The following PPP2R2C variants were observed in gnomAD, a reference collection of about 807,000 sequenced individuals.
The protein encoded by PPP2R2C is protein phosphatase 2, regulatory subunit B, gamma.
In PPP2R2C, 10 loss-of-function variants were observed where a neutral mutation model predicts 45.3. That is an observed-to-expected ratio of 0.22 (90% CI 0.14 to 0.37). PPP2R2C has a LOEUF of 0.37. Among genes scored for constraint, PPP2R2C ranks in the 10% least tolerant of loss-of-function variants. PPP2R2C has a pLI of 1.00. For synonymous variants in PPP2R2C, 257 were observed against 245.4 expected (o/e 1.05, Z -0.44); for missense variants, 308 against 619.7 (o/e 0.50, Z 5.34).
At chr4:6,431,091 G>A (rs1211174551) in intron 1 of PPP2R2C, among the ~76,000 whole-genome samples, 1 of 152,218 alleles carries the variant, frequency 6.6e-6, no homozygotes, top group Non-Finnish European at 1.5e-5. Flanking sequence ...TGACAGAGAT[G>A]GTTCTGCCTG....
chr4:6,355,848 G>T (rs1483394512), intron 5 of PPP2R2C, among the ~76,000 whole-genome samples: 1 of 151,576 alleles, frequency 6.6e-6, no homozygotes, highest in African/African-American at 2.4e-5. Context: ...AAAAAAATTA[G>T]CTGGGCGTGG....
chr4:6,350,583 T>C (rs909434668), intron 5 of PPP2R2C: 1 of 985,210 alleles, frequency 1.0e-6, no homozygotes, highest in Non-Finnish European at 1.2e-6. Flanking sequence ...TTATAACTCA[T>C]GGGGCGCAGT....
upstream of PPP2R2C, among the ~76,000 whole-genome samples, chr4:6,474,185 C>T (rs1722054096): frequency 6.6e-6 from 1 of 151,504 alleles, no homozygotes; most frequent in Admixed American, 6.6e-5. Context: ...TCTCACCTGT[C>T]TGCTCACATG....
intron 1 of PPP2R2C, chr4:6,383,258 C>T (rs60292172): frequency 0.096 from 117,197 of 1,222,122 alleles, 6,028 homozygotes; most frequent in African/African-American, 0.15. Context: ...CCGGCCAAGC[C>T]CAGCCTCCAG....
At chr4:6,398,446 T>C (rs916488904) in intron 1 of PPP2R2C, among the ~76,000 whole-genome samples, 1 of 152,080 alleles carries the variant, frequency 6.6e-6, no homozygotes, top group African/African-American at 2.4e-5. Context: ...GCAAAAGATT[T>C]GGGCAGACAC....
intron 2 of PPP2R2C, among the ~76,000 whole-genome samples, chr4:6,504,483 C>A (rs1723157446): frequency 6.6e-6 from 1 of 151,938 alleles, no homozygotes; most frequent in Middle Eastern, 3.4e-3. Context: ...GAGATGGACC[C>A]CAAATGCTGG....
intron 1 of PPP2R2C, among the ~76,000 whole-genome samples, chr4:6,450,175 G>A (rs1323513985): frequency 6.6e-6 from 1 of 152,076 alleles, no homozygotes; most frequent in Non-Finnish European, 1.5e-5. Flanking sequence ...TGCAGCCCTC[G>A]GCAAGAAGCC....
At chr4:6,536,084 C>T (rs986334699) in intron 1 of PPP2R2C, among the ~76,000 whole-genome samples, 4 of 152,158 alleles carry the variant, frequency 2.6e-5, no homozygotes, top group Admixed American at 1.3e-4. Flanking sequence ...CTTTTCCCCA[C>T]CTCACTCTGT....
intron 4 of PPP2R2C, 151 bp downstream of exon 4, chr4:6,375,668 G>C (rs1057375601): frequency 1.6e-6 from 1 of 639,864 alleles, no homozygotes; most frequent in Admixed American, 3.0e-5. Context: ...CTGAGGCAAG[G>C]GGCAGGAAGA....
chr4:6,470,103 C>G (rs1721788585), intron 1 of PPP2R2C, among the ~76,000 whole-genome samples: 1 of 152,180 alleles, frequency 6.6e-6, no homozygotes, highest in Admixed American at 6.5e-5. Flanking sequence ...CTGCTCCTCA[C>G]AGAAACCTCC....
In PPP2R2C at chr4:6,401,395, G is replaced by A. The variant is rs1175361557; in HGVS notation, c.71-20301C>T. Among the ~76,000 whole-genome samples, 10 of 152,064 alleles carry A rather than the reference G, an allele frequency of 6.6e-5. No homozygotes were observed. The East Asian group carries it at 1.7e-3, about 26-fold the overall frequency. Reference sequence around the variant, plus strand: ...TTCTACATTTATTTTCAATATGACTGTACATGCTTGCACAATAAGTTGTTA... The same window carrying A: ...TTCTACATTTATTTTCAATATGACTATACATGCTTGCACAATAAGTTGTTA... On this transcript the variant is annotated intron_variant, in intron 1 of 8. Coordinates refer to ENST00000382599, the MANE Select transcript of PPP2R2C (RefSeq NM_020416.4).
intron 2 of PPP2R2C, among the ~76,000 whole-genome samples, chr4:6,511,402 A>ACAGTGATGGTGGTGGTGACGGTGGTGG (rs1723464329): frequency 9.9e-5 from 12 of 121,246 alleles, no homozygotes; most frequent in Admixed American, 8.0e-5. Flanking sequence ...GATGGTGGTG[A>ACAGTGATGGTGGTGGTGACGGTGGTGG]TGGTGGTGGT....
Position 6,437,571 on chromosome 4 carries a change from G to C in PPP2R2C, c.70+34589C>G, listed in dbSNP as rs372606796. Reference sequence around the variant, plus strand: ...ATCCTCTAGGCCCTGCTTCAAAACTGAGCTTAATCTAGGTAGAGTCATGTC... The same window carrying C: ...ATCCTCTAGGCCCTGCTTCAAAACTCAGCTTAATCTAGGTAGAGTCATGTC... On this transcript the variant is annotated intron_variant, in intron 1 of 8. Coordinates refer to ENST00000382599, the MANE Select transcript of PPP2R2C (RefSeq NM_020416.4). 9.2e-5 allele frequency among the ~76,000 whole-genome samples: 14 copies of C among 152,290 alleles called. No individual in the cohort carries two copies. In the South Asian group the frequency reaches 1.5e-3, roughly 16 times the overall value.
At chr4:6,370,732 G>A (rs1434065278) in intron 5 of PPP2R2C, among the ~76,000 whole-genome samples, 1 of 152,224 alleles carries the variant, frequency 6.6e-6, no homozygotes, top group African/African-American at 2.4e-5. Flanking sequence ...CACCTGGCCC[G>A]CAGCTCTCTT....
chr4:6,488,440 TTGGGAAGCTAAGG>T (rs1259194851), intron 2 of PPP2R2C, among the ~76,000 whole-genome samples: 3 of 152,172 alleles, frequency 2.0e-5, no homozygotes, highest in African/African-American at 7.2e-5. Flanking sequence ...TTCTACCACT[TTGGGAAGCTAAGG>T]TGGGAGGATC....
chr4:6,539,762 A>G (rs1724748318), intron 1 of PPP2R2C, among the ~76,000 whole-genome samples: 1 of 152,138 alleles, frequency 6.6e-6, no homozygotes, highest in Non-Finnish European at 1.5e-5. Context: ...GGCATTCCCG[A>G]TTACCCTCGC....
intron 2 of PPP2R2C, among the ~76,000 whole-genome samples, chr4:6,492,048 G>A (rs1238397396): frequency 6.6e-6 from 1 of 152,188 alleles, no homozygotes; most frequent in Non-Finnish European, 1.5e-5. Context: ...CAATAAGGAG[G>A]CTTAATCAGG....
chr4:6,513,524 G>A (rs1577232687), intron 2 of PPP2R2C, among the ~76,000 whole-genome samples: 1 of 152,168 alleles, frequency 6.6e-6, no homozygotes, highest in South Asian at 2.1e-4. Context: ...TGCGAGGGAG[G>A]GGCCATGCCA....
At chr4:6,344,603 C>T (rs966698435) in intron 6 of PPP2R2C, among the ~76,000 whole-genome samples, 3 of 152,166 alleles carry the variant, frequency 2.0e-5, no homozygotes, top group Non-Finnish European at 4.4e-5. Context: ...TTCCTGCACA[C>T]ACATGTGTTT....
Sources: allele counts gnomAD v4.1 joint callset (sites outside exome capture counted in the v4.1 genomes callset), GRCh38; gene constraint gnomAD v4.1.1; transcripts MANE v1.5; gene names NCBI Gene and HGNC (gene_info 2026-07-23, HGNC 2026-07-21).